The following SSBP2 variants were observed in gnomAD, a reference collection of about 807,000 sequenced individuals.
The protein encoded by SSBP2 is single stranded DNA binding protein 2.
Under a neutral mutation model 61.8 loss-of-function variants are expected in SSBP2, and 17 were observed. That is an observed-to-expected ratio of 0.28 (90% CI 0.19 to 0.41). The LOEUF (loss-of-function observed/expected upper bound fraction) is 0.41. SSBP2 is among the 10% of genes least tolerant of loss of function. The pLI, the probability that SSBP2 is intolerant of heterozygous loss-of-function variation, is 1.00. For missense variants in SSBP2, 310 were observed against 458.7 expected, an observed-to-expected ratio of 0.68 and a Z score of 2.96; for synonymous variants, 139 against 141.3, an observed-to-expected ratio of 0.98 and a Z score of 0.12.
rs945844272 is a variant in SSBP2, at chr5:81,428,794, A to C, written c.958-111T>G. On this transcript the variant is annotated intron_variant, in intron 15 of 16. Coordinates refer to ENST00000320672, the MANE Select transcript of SSBP2 (RefSeq NM_012446.5). Reference sequence around the variant, plus strand: ...TCCCTAAGGACAAAGCATACTTCTAATTTTAATCTTAGACTTCTACCATGT... The same window carrying C: ...TCCCTAAGGACAAAGCATACTTCTACTTTTAATCTTAGACTTCTACCATGT... 3 of 683,626 alleles carry C rather than the reference A, an allele frequency of 4.4e-6. No homozygotes were observed. The African/African-American group carries it at 5.4e-5, about 12-fold the overall frequency. 42.3% of individuals were successfully genotyped at this position (683,626 alleles called of 1,614,324 possible).
At chr5:81,626,200 T>C (rs1581198733) in intron 3 of SSBP2, among the ~76,000 whole-genome samples, 3 of 152,214 alleles carry the variant, frequency 2.0e-5, no homozygotes, top group Admixed American at 2.0e-4. Context: ...AATGAAAGCA[T>C]TAAATTTTGC....
At chr5:81,624,346 C>T (rs939986412) in intron 3 of SSBP2, among the ~76,000 whole-genome samples, 2 of 152,092 alleles carry the variant, frequency 1.3e-5, no homozygotes, top group African/African-American at 2.4e-5. Flanking sequence ...TTAGAAAATT[C>T]GATCACATTT....
intron 4 of SSBP2, among the ~76,000 whole-genome samples, chr5:81,540,124 T>C (rs895930084): frequency 6.6e-6 from 1 of 152,230 alleles, no homozygotes; most frequent in African/African-American, 2.4e-5. Context: ...TGCCACATTT[T>C]CTTTATCCAG....
At chr5:81,629,082 G>A (rs768966315) in intron 3 of SSBP2, among the ~76,000 whole-genome samples, 24 of 152,056 alleles carry the variant, frequency 1.6e-4, no homozygotes, top group Non-Finnish European at 3.2e-4. Flanking sequence ...CACCTCCCAG[G>A]TTCAAGCGAT....
chr5:81,477,667 T>C (rs557411447), intron 6 of SSBP2, among the ~76,000 whole-genome samples: 1 of 152,034 alleles, frequency 6.6e-6, no homozygotes, highest in East Asian at 1.9e-4. Flanking sequence ...TAAGGGCTTT[T>C]CATGTGTTTT....
upstream of SSBP2, chr5:81,751,288 C>T: frequency 1.7e-6 from 1 of 572,866 alleles, no homozygotes. Flanking sequence ...CCCTCCCTCC[C>T]CGACTCCCTC....
At chr5:81,587,440 T>C (rs976119491) in intron 4 of SSBP2, among the ~76,000 whole-genome samples, 2 of 152,146 alleles carry the variant, frequency 1.3e-5, no homozygotes, top group African/African-American at 4.8e-5. Context: ...GGGAAAAAAC[T>C]ACCGCTTGGG....
At chr5:81,609,128 T>C (rs1033259620) in intron 4 of SSBP2, among the ~76,000 whole-genome samples, 3 of 152,180 alleles carry the variant, frequency 2.0e-5, no homozygotes, top group African/African-American at 7.2e-5. Context: ...CCTTCTACAA[T>C]GCTCCAGGAA....
intron 3 of SSBP2, among the ~76,000 whole-genome samples, chr5:81,623,727 A>G (rs533901261): frequency 7.1e-6 from 1 of 140,320 alleles, no homozygotes; most frequent in Non-Finnish European, 1.5e-5. Context: ...AGAGTTATTA[A>G]ATAAACATCA....
intron 10 of SSBP2, 120 bp downstream of exon 10, chr5:81,460,935 A>C (rs918062669): frequency 4.2e-6 from 2 of 475,782 alleles, no homozygotes; most frequent in Admixed American, 8.7e-5. Context: ...TTTTTGAATG[A>C]TTACTTAAAA....
At chr5:81,552,520 C>T (rs1772278268) in intron 4 of SSBP2, among the ~76,000 whole-genome samples, 1 of 151,896 alleles carries the variant, frequency 6.6e-6, no homozygotes. Context: ...TGCCCATAAT[C>T]CCACCTACTT....
At chr5:81,731,465 A>G (rs1019357548) in intron 1 of SSBP2, among the ~76,000 whole-genome samples, 2 of 152,232 alleles carry the variant, frequency 1.3e-5, no homozygotes, top group African/African-American at 4.8e-5. Flanking sequence ...GCCAAGTAAG[A>G]GAAAAGATTT....
At chr5:81,478,151 T>TA (rs1418106007) in intron 6 of SSBP2, among the ~76,000 whole-genome samples, 1 of 151,956 alleles carries the variant, frequency 6.6e-6, no homozygotes, top group Non-Finnish European at 1.5e-5. Flanking sequence ...TCTTACTTTC[T>TA]AAAAAAATTA....
chr5:81,472,880 C>T (rs569349236), intron 8 of SSBP2, among the ~76,000 whole-genome samples: 5 of 152,208 alleles, frequency 3.3e-5, no homozygotes, highest in South Asian at 2.1e-4. Flanking sequence ...GGATTATAGG[C>T]GTGAGCCACT....
intron 4 of SSBP2, among the ~76,000 whole-genome samples, chr5:81,574,908 A>AGCAGATCC (rs2153455568): frequency 1.3e-5 from 2 of 152,362 alleles, no homozygotes; most frequent in South Asian, 4.1e-4. Context: ...TTTTATAATC[A>AGCAGATCC]GCAGATCCAC....
In SSBP2 at chr5:81,743,455, A is replaced by G. The variant is rs545021420; in HGVS notation, c.62+7526T>C. ...CTATTTTATTATTTTTATAGTATATATGACTATTTGAAGTTGCCTAGTACA... is the reference window on the plus strand; with the variant it reads ...CTATTTTATTATTTTTATAGTATATGTGACTATTTGAAGTTGCCTAGTACA... On this transcript the variant is annotated intron_variant, in intron 1 of 16. Transcript: ENST00000320672. Among the ~76,000 whole-genome samples, 4 of 152,306 alleles carry G rather than the reference A, an allele frequency of 2.6e-5. No homozygotes were observed. The South Asian group carries it at 8.3e-4, about 32-fold the overall frequency.
chr5:81,701,297 G>C (rs1433372042), intron 1 of SSBP2, among the ~76,000 whole-genome samples: 1 of 152,130 alleles, frequency 6.6e-6, no homozygotes, highest in East Asian at 1.9e-4. Context: ...ATCTCCTGTG[G>C]GTGAGGTTTG....
intron 4 of SSBP2, among the ~76,000 whole-genome samples, chr5:81,594,463 A>C (rs1018377232): frequency 2.6e-5 from 4 of 152,158 alleles, no homozygotes; most frequent in African/African-American, 9.7e-5. Context: ...GATACCCAGG[A>C]ATTGAACTCA....
At chr5:81,656,487 G>C (rs1750221718) in intron 1 of SSBP2, among the ~76,000 whole-genome samples, 1 of 152,070 alleles carries the variant, frequency 6.6e-6, no homozygotes, top group South Asian at 2.1e-4. Flanking sequence ...TATATAAAGA[G>C]GTTTCTGGGG....
Sources: allele counts gnomAD v4.1 joint callset (sites outside exome capture counted in the v4.1 genomes callset), GRCh38; gene constraint gnomAD v4.1.1; transcripts MANE v1.5; gene names NCBI Gene and HGNC (gene_info 2026-07-23, HGNC 2026-07-21).